Variants in PELI2 observed in about 807,000 individuals in gnomAD.
PELI2 encodes the protein E3 ubiquitin-protein ligase pellino homolog 2.
In PELI2, 23 loss-of-function variants were observed where a neutral mutation model predicts 42.3. That is an observed-to-expected ratio of 0.54 (90% CI 0.39 to 0.77). The LOEUF (loss-of-function observed/expected upper bound fraction) is 0.77, where lower values mean the gene tolerates loss of function less well. Among genes scored for constraint, PELI2 ranks in the 30% least tolerant of loss-of-function variants. The probability of loss-of-function intolerance (pLI) is 0.00; values close to 1 mark genes in which losing one functional copy is unlikely to be tolerated. For synonymous variants in PELI2, 245 were observed against 212.2 expected (o/e 1.15, Z -1.34); for missense variants, 463 against 553.2 (o/e 0.84, Z 1.64).
intron 1 of PELI2, among the ~76,000 whole-genome samples, chr14:56,129,335 C>T (rs1595539114): frequency 6.6e-6 from 1 of 152,198 alleles, no homozygotes. Context: ...TCACAATGGG[C>T]GTAGCCCCCT....
At chr14:56,162,392 C>T (rs1263788346) in intron 1 of PELI2, among the ~76,000 whole-genome samples, 3 of 152,122 alleles carry the variant, frequency 2.0e-5, no homozygotes, top group Admixed American at 1.3e-4. Flanking sequence ...TGGCCCATTT[C>T]ACTTAACATA....
chr14:56,151,721 G>A (rs574546940), intron 1 of PELI2, among the ~76,000 whole-genome samples: 7 of 152,326 alleles, frequency 4.6e-5, no homozygotes, highest in African/African-American at 1.7e-4. Context: ...ACAGTATCAA[G>A]TAAGCATTTA....
chr14:56,193,388 C>G (rs1158003735), intron 2 of PELI2, among the ~76,000 whole-genome samples: 1 of 152,028 alleles, frequency 6.6e-6, no homozygotes. Flanking sequence ...TTGCTAAAAC[C>G]CTGATTGTGG....
At chr14:56,289,505 A>G (rs1889757109) in intron 4 of PELI2, among the ~76,000 whole-genome samples, 1 of 152,126 alleles carries the variant, frequency 6.6e-6, no homozygotes, top group Non-Finnish European at 1.5e-5. Flanking sequence ...AGAAGATATC[A>G]TGTGTCATCA....
At chr14:56,235,856 C>T (rs1366416398) in intron 2 of PELI2, among the ~76,000 whole-genome samples, 1 of 152,172 alleles carries the variant, frequency 6.6e-6, no homozygotes, top group Non-Finnish European at 1.5e-5. Flanking sequence ...GGCATTTCTG[C>T]GTACATTTAG....
At chr14:56,193,398 G>T (rs968527829) in intron 2 of PELI2, among the ~76,000 whole-genome samples, 1 of 152,164 alleles carries the variant, frequency 6.6e-6, no homozygotes, top group African/African-American at 2.4e-5. Context: ...CCTGATTGTG[G>T]CCATGATTGC....
chr14:56,126,518 T>G (rs149181094), intron 1 of PELI2, among the ~76,000 whole-genome samples: 1 of 152,248 alleles, frequency 6.6e-6, no homozygotes, highest in East Asian at 1.9e-4. Context: ...TTATTAGTAC[T>G]GGTTTAACAG....
chr14:56,226,109 A>T (rs761689449), intron 2 of PELI2, among the ~76,000 whole-genome samples: 6 of 151,970 alleles, frequency 3.9e-5, no homozygotes, highest in Non-Finnish European at 8.8e-5. Flanking sequence ...AAGTCAGGTC[A>T]AGTGAGCCTG....
chr14:56,229,406 G>T (rs1356131239), intron 2 of PELI2, among the ~76,000 whole-genome samples: 1 of 152,206 alleles, frequency 6.6e-6, no homozygotes, highest in Admixed American at 6.5e-5. Flanking sequence ...CCAGAGGAAG[G>T]ATCAGGCAGC....
At chr14:56,275,170 G>A (rs564013127) in intron 2 of PELI2, among the ~76,000 whole-genome samples, 1 of 152,250 alleles carries the variant, frequency 6.6e-6, no homozygotes, top group African/African-American at 2.4e-5. Flanking sequence ...GTGTGTTCGA[G>A]GCACATGCAG....
rs1890050457 is a variant in PELI2 at position 56,297,535 on chromosome 14, G to C, written c.*369G>C. 4.4e-6 allele frequency: 1 copy of C among 225,534 alleles called. No homozygotes were observed. The highest frequency in any genetic ancestry group is 8.8e-6 in the Non-Finnish European group (1 of 113,978). 14.0% of individuals were successfully genotyped at this position (225,534 alleles called of 1,614,324 possible). ...AGATGTAGAAGAAATTTATTCAAAA[G>C]TGTGGGCTCATGAAGTTCACTTCAG... On this transcript the variant is annotated 3_prime_UTR_variant, in exon 6 of 6. Transcript: ENST00000267460.
At position 56,145,258 on chromosome 14, in the gene PELI2, C is replaced by CT. The variant is rs1264426161; in HGVS notation, c.77+26522dup. 3.3e-5 allele frequency among the ~76,000 whole-genome samples: 5 copies of CT among 152,228 alleles called. No homozygotes were observed. In the East Asian group the frequency reaches 5.8e-4, roughly 18 times the overall value. ...TAAACAACCAGATCTCGTGAGAACTCTATCAATCATGAAACAGTGCTGGGG... is the reference window on the plus strand; with the variant it reads ...TAAACAACCAGATCTCGTGAGAACTCTTATCAATCATGAAACAGTGCTGGGG... On this transcript the variant is annotated intron_variant, in intron 1 of 5. Transcript: ENST00000267460.
At chr14:56,202,894 TAAATAA>T (rs1886384128) in intron 2 of PELI2, among the ~76,000 whole-genome samples, 1 of 151,952 alleles carries the variant, frequency 6.6e-6, no homozygotes. Context: ...AGACCAAAAT[TAAATAA>T]AAATAAAAGG....
chr14:56,144,393 T>C (rs1386035311), intron 1 of PELI2, among the ~76,000 whole-genome samples: 5 of 152,234 alleles, frequency 3.3e-5, no homozygotes, highest in Non-Finnish European at 7.3e-5. Flanking sequence ...AAAGCTGATG[T>C]CCACAGGTGG....
rs768465249 is a variant in PELI2 at position 56,296,623 on chromosome 14, G to A, written c.720G>A (p.Leu240=). The change falls in exon 6 of 6, where the codon CTG becomes CTA. Residue 240 remains leucine (L), a synonymous_variant. Transcript: ENST00000267460. ...GKLVESETNV[L]QDGSLIDLCG... ...AGGTGGAAAGTGAGACCAACGTCCT[G>A]CAGGACGGCTCCCTCATTGACCTGT... The A allele has an allele frequency of 5.0e-6, 8 of 1,608,292 alleles. No homozygotes were observed. The highest frequency in any genetic ancestry group is 1.1e-5 in the South Asian group (1 of 90,854).
At chr14:56,234,130 G>A (rs1195699450) in intron 2 of PELI2, among the ~76,000 whole-genome samples, 1 of 152,182 alleles carries the variant, frequency 6.6e-6, no homozygotes, top group African/African-American at 2.4e-5. Context: ...TGGAGAAATA[G>A]GAACACTTTG....
At chr14:56,276,511 C>A (rs1889296755) in intron 2 of PELI2, among the ~76,000 whole-genome samples, 1 of 152,160 alleles carries the variant, frequency 6.6e-6, no homozygotes, top group Non-Finnish European at 1.5e-5. Context: ...CTTCTCCTGG[C>A]TTAGCATTAC....
intron 2 of PELI2, among the ~76,000 whole-genome samples, chr14:56,237,412 C>G (rs1026042169): frequency 2.6e-5 from 4 of 152,196 alleles, no homozygotes; most frequent in African/African-American, 9.6e-5. Flanking sequence ...GCATCCCATT[C>G]TACTCAGACA....
intron 5 of PELI2, chr14:56,292,803 T>G: frequency 5.2e-6 from 5 of 964,384 alleles, no homozygotes; most frequent in Non-Finnish European, 6.2e-6. Context: ...TTTAACTCCC[T>G]GAATAAATAG....
Sources: allele counts gnomAD v4.1 joint callset (sites outside exome capture counted in the v4.1 genomes callset), GRCh38; gene constraint gnomAD v4.1.1; transcripts MANE v1.5; gene names NCBI Gene and HGNC (gene_info 2026-07-23, HGNC 2026-07-21).